Variants in LRRC7 observed in about 807,000 individuals in gnomAD.
The protein encoded by LRRC7 is leucine rich repeat containing 7.
A neutral mutation model predicts 175.7 loss-of-function variants in LRRC7; 23 were observed. That is an observed-to-expected ratio of 0.13 (90% CI 0.09 to 0.19). LRRC7 has a LOEUF of 0.19. LRRC7 is among the 10% of genes least tolerant of loss of function. LRRC7 has a pLI of 1.00. For missense variants in LRRC7, 1,354 were observed against 1,904.7 expected, an observed-to-expected ratio of 0.71 and a Z score of 5.38; for synonymous variants, 685 against 680.9, an observed-to-expected ratio of 1.01 and a Z score of -0.09.
At chr1:69,933,139 T>C (rs1400118658) in intron 8 of LRRC7, among the ~76,000 whole-genome samples, 2 of 152,226 alleles carry the variant, frequency 1.3e-5, no homozygotes, top group African/African-American at 2.4e-5. Flanking sequence ...GCCTGTCTGC[T>C]GGCTCTGAGA....
chr1:70,066,364 A>T (rs1433791625), intron 23 of LRRC7, among the ~76,000 whole-genome samples: 3 of 152,042 alleles, frequency 2.0e-5, no homozygotes, highest in African/African-American at 7.2e-5. Flanking sequence ...TTTGACTCCA[A>T]AGACTATGTT....
Position 70,010,944 on chromosome 1 carries a change from T to C in LRRC7, c.1005-853T>C, listed in dbSNP as rs568149558. 3.2e-4 allele frequency among the ~76,000 whole-genome samples: 48 copies of C among 152,326 alleles called. 1 individual carries two copies. The highest frequency in any genetic ancestry group is 6.8e-3 in the Middle Eastern group (2 of 294). On this transcript the variant is annotated intron_variant, in intron 11 of 26. Coordinates refer to ENST00000651989, the MANE Select transcript of LRRC7 (RefSeq NM_001370785.2). ...GAGGCACACTGAAGAATTATGCCCA[T>C]TTGAAGGCAGCAGCTATTAATCCAT...
chr1:69,609,473 AAAAAAT>A (rs1236252699), intron 1 of LRRC7, among the ~76,000 whole-genome samples: 1 of 152,048 alleles, frequency 6.6e-6, no homozygotes, highest in East Asian at 1.9e-4. Flanking sequence ...GGAAGAAAGA[AAAAAAT>A]AAAAATGACC....
At position 70,130,753 on chromosome 1, in the gene LRRC7, G is replaced by A. The variant is rs373225160; in HGVS notation, c.*8866G>A. On this transcript the variant is annotated 3_prime_UTR_variant, in exon 27 of 27. Coordinates refer to ENST00000651989, the MANE Select transcript of LRRC7 (RefSeq NM_001370785.2). The stretch of plus-strand genomic sequence containing the variant: ...GTCATGCACATTGTCACTAGATTAC[G>A]TTACCTAAGCAATTTTTACAATTTG... Among the ~76,000 whole-genome samples, 1 of 152,210 alleles carries A rather than the reference G, an allele frequency of 6.6e-6. No individual in the cohort carries two copies. Among genetic ancestry groups the A allele is most frequent in the African/African-American group, 2.4e-5 (1 of 41,530 alleles).
At chr1:69,755,839 ATT>A (rs1670363607) in intron 2 of LRRC7, among the ~76,000 whole-genome samples, 1 of 151,950 alleles carries the variant, frequency 6.6e-6, no homozygotes, top group African/African-American at 2.4e-5. Context: ...TTGCTGCCAG[ATT>A]ACCCTGCACT....
At chr1:70,026,579 T>C (rs1658127467) in intron 17 of LRRC7, among the ~76,000 whole-genome samples, 1 of 152,106 alleles carries the variant, frequency 6.6e-6, no homozygotes, top group Non-Finnish European at 1.5e-5. Context: ...TATACTACAA[T>C]CTAACAACTT....
At chr1:69,586,969 C>G (rs1426449013) in intron 1 of LRRC7, among the ~76,000 whole-genome samples, 1 of 152,124 alleles carries the variant, frequency 6.6e-6, no homozygotes, top group Non-Finnish European at 1.5e-5. Flanking sequence ...ACATTTATAT[C>G]TAAATAATGA....
At chr1:69,638,700 GT>G (rs1653757407) in intron 1 of LRRC7, among the ~76,000 whole-genome samples, 1 of 151,546 alleles carries the variant, frequency 6.6e-6, no homozygotes, top group South Asian at 2.1e-4. Flanking sequence ...AATTATTTTT[GT>G]TTTTTGGAAC....
chr1:69,879,837 T>A (rs1686421517), intron 7 of LRRC7: 1 of 152,154 alleles, frequency 6.6e-6, no homozygotes, highest in Non-Finnish European at 1.5e-5. Context: ...TCAGGAACAA[T>A]CCCAGGTTAA....
chr1:69,801,993 G>T (rs1033117576), intron 4 of LRRC7, among the ~76,000 whole-genome samples: 6 of 150,620 alleles, frequency 4.0e-5, no homozygotes, highest in Non-Finnish European at 8.9e-5. Context: ...TTGTTCAGGG[G>T]TATATTGTTT....
At chr1:69,770,229 A>G (rs1177497512) in intron 3 of LRRC7, among the ~76,000 whole-genome samples, 2 of 152,222 alleles carry the variant, frequency 1.3e-5, no homozygotes, top group African/African-American at 4.8e-5. Context: ...ATATCTGACA[A>G]GCAAAATAAA....
chr1:69,837,519 G>A, intron 6 of LRRC7, among the ~76,000 whole-genome samples: 1 of 151,758 alleles, frequency 6.6e-6, no homozygotes, highest in East Asian at 1.9e-4. Flanking sequence ...AAAGAGTTTG[G>A]ATTTCATCCA....
chr1:69,996,867 G>A (rs1180592125), intron 11 of LRRC7, among the ~76,000 whole-genome samples: 2 of 152,054 alleles, frequency 1.3e-5, no homozygotes, highest in Non-Finnish European at 2.9e-5. Flanking sequence ...GCTTAGGATT[G>A]ACTTGGCAAT....
intron 1 of LRRC7, among the ~76,000 whole-genome samples, chr1:69,674,588 C>T (rs2100587839): frequency 6.6e-6 from 1 of 152,184 alleles, no homozygotes; most frequent in East Asian, 1.9e-4. Context: ...CTGGAATTTT[C>T]TAGAACTTTA....
At chr1:69,814,412 T>G (rs1320654063) in intron 4 of LRRC7, among the ~76,000 whole-genome samples, 1 of 152,154 alleles carries the variant, frequency 6.6e-6, no homozygotes, top group Non-Finnish European at 1.5e-5. Flanking sequence ...TTAATTAAAA[T>G]TCTTATTCAT....
intron 2 of LRRC7, among the ~76,000 whole-genome samples, chr1:69,714,165 C>T (rs1665090997): frequency 6.6e-6 from 1 of 152,150 alleles, no homozygotes; most frequent in Non-Finnish European, 1.5e-5. Flanking sequence ...ACACTCAACT[C>T]CCCTGAGTTA....
At chr1:69,743,837 T>A (rs1668974812) in intron 2 of LRRC7, among the ~76,000 whole-genome samples, 1 of 151,898 alleles carries the variant, frequency 6.6e-6, no homozygotes, top group Admixed American at 6.6e-5. Flanking sequence ...GAAAACAGTT[T>A]TATGAGACTT....
intron 8 of LRRC7, among the ~76,000 whole-genome samples, chr1:69,950,577 A>G (rs533722597): frequency 3.3e-5 from 5 of 152,288 alleles, no homozygotes; most frequent in South Asian, 2.1e-4. Flanking sequence ...ATTAGGGCCT[A>G]CATTTTAAAA....
chr1:69,767,685 CT>C lies in LRRC7; in HGVS notation c.303+7293del, dbSNP rs1290855663. 5.9e-5 allele frequency among the ~76,000 whole-genome samples: 9 copies of C among 152,246 alleles called. No individual in the cohort carries two copies. The East Asian group carries it at 1.5e-3, about 26-fold the overall frequency. On this transcript the variant is annotated intron_variant, in intron 3 of 26. Transcript: ENST00000651989. ...GTATATTGTACAAGCTGTTCTCAAA[CT>C]CCTAGCCTCAAGTGATCCTACTGCG... is the stretch of plus-strand genomic sequence containing the variant.
Sources: allele counts gnomAD v4.1 joint callset (sites outside exome capture counted in the v4.1 genomes callset), GRCh38; gene constraint gnomAD v4.1.1; transcripts MANE v1.5; gene names NCBI Gene and HGNC (gene_info 2026-07-23, HGNC 2026-07-21).